PPFIA4: variants seen among roughly 807,000 people sequenced by gnomAD.
The protein encoded by PPFIA4 is PPFI scaffold protein A4, also known as liprin-alpha-4.
In PPFIA4, 98 loss-of-function variants were observed where a neutral mutation model predicts 145.7. The observed-to-expected ratio is 0.67, with a 90% CI of 0.57 to 0.80. The LOEUF is 0.80. PPFIA4 is among the 30% of genes least tolerant of loss of function. PPFIA4 has a pLI of 0.00. For synonymous variants in PPFIA4, 628 were observed against 649.6 expected (o/e 0.97, Z 0.51); for missense variants, 1,457 against 1,632.7 (o/e 0.89, Z 1.85).
intron 5 of PPFIA4, 78 bp from the exon 6 acceptor site, chr1:203,044,618 A>G (rs1342930972): frequency 7.0e-7 from 1 of 1,438,002 alleles, no homozygotes; most frequent in Non-Finnish European, 9.4e-7. Flanking sequence ...TAACTAAGAC[A>G]GGGGCTTTGG....
At position 203,046,501 on chromosome 1, in the gene PPFIA4, C is replaced by T. The variant is rs576922898; in HGVS notation, c.1140+119C>T. On this transcript the variant is annotated intron_variant, in intron 9 of 29. Coordinates refer to ENST00000295706, the MANE Select transcript of PPFIA4 (RefSeq NM_001304331.2). ...TGGGCCAGGAGCCAGAAAACTGCTT[C>T]CCGCCGTGTGATTCCAGGGAGCACA... 4.1e-6 allele frequency: 5 copies of T among 1,233,008 alleles called. No homozygotes were observed. The East Asian group carries it at 1.3e-4, about 32-fold the overall frequency. 76.4% of individuals were successfully genotyped at this position (1,233,008 alleles called of 1,614,324 possible). A position where few individuals can be genotyped will look rare whatever the true frequency, so the allele number is the denominator to read the frequency against.
intron 1 of PPFIA4, chr1:203,035,165 T>G (rs1040299863): frequency 1.5e-5 from 6 of 397,682 alleles, no homozygotes; most frequent in South Asian, 3.5e-5. Flanking sequence ...TGTCCGACCC[T>G]CCTGTTTTCC....
chr1:203,033,674 C>A (rs1037312836), intron 1 of PPFIA4, among the ~76,000 whole-genome samples: 1 of 152,112 alleles, frequency 6.6e-6, no homozygotes, highest in Non-Finnish European at 1.5e-5. Context: ...CCCCATCTTG[C>A]TCTCAAGAAG....
At chr1:203,032,435 TGTTG>T (rs1658917771) in intron 1 of PPFIA4, among the ~76,000 whole-genome samples, 3 of 150,612 alleles carry the variant, frequency 2.0e-5, no homozygotes, top group East Asian at 2.0e-4. Context: ...GCTTTTTTGT[TGTTG>T]TTGTTGTTTT....
Position 203,075,555 on chromosome 1 carries a change from T to G in PPFIA4, c.3394-22T>G. 1 of 1,375,460 alleles carries G rather than the reference T, an allele frequency of 7.3e-7. No homozygotes were observed. Among genetic ancestry groups the G allele is most frequent in the Non-Finnish European group, 9.5e-7 (1 of 1,056,544 alleles). The allele number at this position is 1,375,460 out of a possible 1,614,324, so 85.2% of individuals were successfully genotyped here. On this transcript the variant is annotated intron_variant, in intron 28 of 29. Transcript: ENST00000295706. The surrounding 1 kb of genome is among the most constrained non-coding windows in gnomAD (Gnocchi z 4.1). Reference sequence around the variant, plus strand: ...GCAATTCCAACAGGGCCCTCGGGCCTCTGGTGTCCCCCATGGTGCAGGGGG... The same window carrying G: ...GCAATTCCAACAGGGCCCTCGGGCCGCTGGTGTCCCCCATGGTGCAGGGGG...
intron 1 of PPFIA4, among the ~76,000 whole-genome samples, chr1:203,032,584 G>A (rs1396873318): frequency 1.3e-5 from 2 of 150,220 alleles, no homozygotes; most frequent in Admixed American, 6.7e-5. Flanking sequence ...GTCTGTAGAC[G>A]CATGCCGCTG....
At chr1:203,050,716 G>A (rs74388297) in intron 13 of PPFIA4, among the ~76,000 whole-genome samples, 488 of 152,186 alleles carry the variant, frequency 3.2e-3, no homozygotes, top group African/African-American at 0.01. Context: ...CCATCTCCAC[G>A]CTCGCCAGGA....
chr1:203,059,826 G>C lies in PPFIA4; in HGVS notation c.2558G>C (p.Gly853Ala), dbSNP rs774387424. 2 of 1,612,854 alleles carry C rather than the reference G, an allele frequency of 1.2e-6. No homozygotes were observed. Among genetic ancestry groups the C allele is most frequent in the South Asian group, 2.2e-5 (2 of 90,704 alleles). ...GGAATGCCCTTTGCCCAGTGGGATG[G>C]TCCTACTGTGGTCTCCTGGTTGGAG... Reference protein sequence around the residue: ...RKGMPFAQWDGPTVVSWLELW... With the variant: ...RKGMPFAQWDAPTVVSWLELW... The change falls in exon 21 of 30, where the codon GGT becomes GCT. Residue 853 changes from glycine (G) to alanine (A), a missense_variant. Physicochemically the swap from Gly to Ala is moderately conservative, Grantham distance 60. Coordinates refer to ENST00000295706, the MANE Select transcript of PPFIA4 (RefSeq NM_001304331.2).
rs552178128 is a variant in PPFIA4 at position 203,045,519 on chromosome 1, C to T, written c.818C>T (p.Ser273Leu). The T allele has an allele frequency of 1.1e-5, 17 of 1,605,150 alleles. No individual in the cohort carries two copies. The highest frequency in any genetic ancestry group is 3.4e-5 in the South Asian group (3 of 89,428). Residue 273 changes from serine (S) to leucine (L), a missense_variant, in exon 7 of 30, where the codon TCG (serine) becomes TTG (leucine). Around this residue, in one of 3 missense-constraint regions of PPFIA4, gnomAD observed 463 missense variants for 459.8 expected, o/e 1.01. Coordinates refer to ENST00000295706, the MANE Select transcript of PPFIA4 (RefSeq NM_001304331.2). ...LGTARRDLIK[S>L]EELSSKHQRD... ...ACGGCCCGCCGGGACCTCATCAAGT[C>T]GGAGGAGCTGAGCAGCAAGCATCAG...
chr1:203,027,821 C>T (rs1041296699), intron 1 of PPFIA4, among the ~76,000 whole-genome samples: 6 of 152,152 alleles, frequency 3.9e-5, no homozygotes, highest in Admixed American at 1.3e-4. Context: ...CCCTTCTCAC[C>T]GCCCATCCCC....
rs1199473615 is a variant in PPFIA4, at chr1:203,053,778, G to A, written c.1646G>A (p.Gly549Glu). Reference sequence around the variant, plus strand: ...GACTGGGAGACTTCTCCACTGCCTGGGATGCTGGCCCCGGCAGCTGGCCCT... The same window carrying A: ...GACTGGGAGACTTCTCCACTGCCTGAGATGCTGGCCCCGGCAGCTGGCCCT... ...AKDWETSPLP[G>E]MLAPAAGPAF... The change falls in exon 15 of 30, where the codon GGG becomes GAG. Residue 549 changes from glycine to glutamate, a missense_variant. Coordinates refer to ENST00000295706, the MANE Select transcript of PPFIA4 (RefSeq NM_001304331.2). The A allele has an allele frequency of 6.4e-7, 1 of 1,551,442 alleles. No individual in the cohort carries two copies. The highest frequency in any genetic ancestry group is 8.7e-7 in the Non-Finnish European group (1 of 1,147,362).
rs1389449776 is a variant in PPFIA4 at position 203,039,087 on chromosome 1, G to A, written c.79G>A (p.Glu27Lys). The change falls in exon 2 of 30, where the codon GAG becomes AAG. Residue 27 changes from glutamate (E) to lysine (K), a missense_variant. By Grantham distance (56) the Glu-to-Lys change is moderately conservative. Around this residue, in one of 3 missense-constraint regions of PPFIA4, gnomAD observed 463 missense variants for 459.8 expected, o/e 1.01. Transcript: ENST00000295706. The part of the protein sequence containing the change: ...PHGADADANF[E>K]QLMVNMLDER... The stretch of plus-strand genomic sequence containing the variant: ...TGGCGCCGATGCTGACGCCAACTTC[G>A]AGCAGCTGATGGTGAACATGCTGGA... The A allele has an allele frequency of 6.2e-6, 10 of 1,606,708 alleles. No homozygotes were observed. Among genetic ancestry groups the A allele is most frequent in the East Asian group, 2.2e-5 (1 of 44,634 alleles).
rs560707904 is a variant in PPFIA4, at chr1:203,075,177, C to A, written c.3394-400C>A. ...CAGCCATTCGGAGGCCCCAGAAGGA[C>A]AGGACAGTGTGTATAGGGACCGGCT... On this transcript the variant is annotated intron_variant, in intron 28 of 29. Coordinates refer to ENST00000295706, the MANE Select transcript of PPFIA4 (RefSeq NM_001304331.2). This position sits in a 1 kb window ranked among gnomAD's most constrained non-coding sequence, Gnocchi z 4.1. Among the ~76,000 whole-genome samples the A allele has an allele frequency of 1.8e-4, 27 of 152,038 alleles. No individual in the cohort carries two copies. Among genetic ancestry groups the A allele is most frequent in the Non-Finnish European group, 3.1e-4 (21 of 68,008 alleles).
At chr1:203,046,676 T>A (rs1660110159) in intron 9 of PPFIA4, among the ~76,000 whole-genome samples, 1 of 151,522 alleles carries the variant, frequency 6.6e-6, no homozygotes, top group South Asian at 2.1e-4. Context: ...TTTTTTTTTT[T>A]AATCCTCTAC....
At position 203,056,878 on chromosome 1, in the gene PPFIA4, A is replaced by G; in HGVS notation, c.2335A>G (p.Ile779Val). The G allele has an allele frequency of 1.2e-6, 2 of 1,614,074 alleles. No homozygotes were observed. Among genetic ancestry groups the G allele is most frequent in the Non-Finnish European group, 1.7e-6 (2 of 1,179,900 alleles). Residue 779 changes from isoleucine to valine, a missense_variant, in exon 19 of 30, where the codon ATT becomes GTT. Transcript: ENST00000295706. Reference sequence around the variant, plus strand: ...CAAGCGCAAGGGCATCAAGTCGTCCATTGGCCGCCTGTTTGGGAAGAAGGA... The same window carrying G: ...CAAGCGCAAGGGCATCAAGTCGTCCGTTGGCCGCCTGTTTGGGAAGAAGGA... The part of the protein sequence containing the change: ...GAKRKGIKSS[I>V]GRLFGKKEKG...
chr1:203,043,534 G>C lies in PPFIA4; in HGVS notation c.336+36G>C, dbSNP rs1343335740. Reference sequence around the variant, plus strand: ...ATGACCTTGTGTCGCGCGCGCGCACGTGTGTGTGTGTGTGTATGGGGGTGT... The same window carrying C: ...ATGACCTTGTGTCGCGCGCGCGCACCTGTGTGTGTGTGTGTATGGGGGTGT... On this transcript the variant is annotated intron_variant, in intron 3 of 29. Transcript: ENST00000295706. The surrounding 1 kb of genome is among the most constrained non-coding windows in gnomAD (Gnocchi z 4.4). 1 of 978,896 alleles carries C rather than the reference G, an allele frequency of 1.0e-6. No homozygotes were observed. The highest frequency in any genetic ancestry group is 1.4e-6 in the Non-Finnish European group (1 of 711,472). 60.6% of individuals were successfully genotyped at this position (978,896 alleles called of 1,614,324 possible).
At position 203,044,420 on chromosome 1, in the gene PPFIA4, C is replaced by A; in HGVS notation, c.543C>A (p.Thr181=). Residue 181 remains threonine, a synonymous_variant, in exon 5 of 30, where the codon ACC becomes ACA. Coordinates refer to ENST00000295706, the MANE Select transcript of PPFIA4 (RefSeq NM_001304331.2). ...GGGCAGCGCTGGAGCGAGTCACCAC[C>A]TTGGAGGAGCAGCTGGCAGGTGCCC... ...RLRAALERVT[T]LEEQLAGAHQ... 6.4e-7 allele frequency: 1 copy of A among 1,551,958 alleles called. No homozygotes were observed.
At chr1:203,065,296 G>A (rs962432134) in intron 25 of PPFIA4, among the ~76,000 whole-genome samples, 1 of 152,184 alleles carries the variant, frequency 6.6e-6, no homozygotes, top group Non-Finnish European at 1.5e-5. Flanking sequence ...AGGGAAGACC[G>A]CATCCTCCCC....
chr1:203,046,150 C>A (rs1389923217), intron 8 of PPFIA4, 98 bp from the exon 9 acceptor site: 2 of 1,525,726 alleles, frequency 1.3e-6, no homozygotes, highest in Non-Finnish European at 1.8e-6. Context: ...TTGTCCCTTG[C>A]TGCTTCTGAC....
Sources: allele counts gnomAD v4.1 joint callset (sites outside exome capture counted in the v4.1 genomes callset), GRCh38; gene constraint gnomAD v4.1.1; regional missense constraint gnomAD v4.1.1; non-coding constraint Gnocchi (gnomAD v3.1); transcripts MANE v1.5; gene names NCBI Gene and HGNC (gene_info 2026-07-23, HGNC 2026-07-21).